The following PARG variants were observed in gnomAD, a reference collection of about 807,000 sequenced individuals.
The protein encoded by PARG is mitochondrial poly(ADP-ribose) glycohydrolase.
In PARG, 35 loss-of-function variants were observed where a neutral mutation model predicts 113.0. That is an observed-to-expected ratio of 0.31 (90% CI 0.24 to 0.41). The LOEUF is 0.41. PARG is among the 10% of genes least tolerant of loss of function. The pLI is 1.00. For missense variants in PARG, 797 were observed against 1,169.4 expected (o/e 0.68, Z 4.64); for synonymous variants, 330 against 409.9 (o/e 0.81, Z 2.36).
Position 49,942,018 on chromosome 10 carries a change from G to A in PARG, c.-293C>T. On this transcript the variant is annotated 5_prime_UTR_variant, in exon 1 of 18. Transcript: ENST00000616448. ...GCCGTCAGGCGCTTCCGGCTTCCGG[G>A]GCGCACACTGCCGCAAAGCGGAAGT... 1 of 1,014,528 alleles carries A rather than the reference G, an allele frequency of 9.9e-7. No individual in the cohort carries two copies. Among genetic ancestry groups the A allele is most frequent in the South Asian group, 1.6e-5 (1 of 61,096 alleles). The allele number at this position is 1,014,528 out of a possible 1,614,324, so 62.8% of individuals were successfully genotyped here.
At chr10:49,842,841 T>C (rs1554832620) in intron 14 of PARG, among the ~76,000 whole-genome samples, 1 of 152,198 alleles carries the variant, frequency 6.6e-6, no homozygotes, top group Non-Finnish European at 1.5e-5. Context: ...CAACCATATA[T>C]TTTAAACAAA....
chr10:49,926,663 G>A (rs182529896), intron 4 of PARG, among the ~76,000 whole-genome samples: 221 of 151,380 alleles, frequency 1.5e-3, no homozygotes, highest in East Asian at 5.7e-3. Flanking sequence ...AAGTTTCTAG[G>A]CAAAGCCTTG....
At chr10:49,926,527 T>C (rs1206398017) in intron 4 of PARG, among the ~76,000 whole-genome samples, 5 of 152,110 alleles carry the variant, frequency 3.3e-5, no homozygotes, top group Non-Finnish European at 4.4e-5. Flanking sequence ...CCAACCACCA[T>C]CATCACATAA....
At chr10:49,833,285 C>T (rs1288386305) in intron 15 of PARG, 2 of 154,054 alleles carry the variant, frequency 1.3e-5, no homozygotes, top group African/African-American at 4.8e-5. Context: ...AGGAAAGGGA[C>T]TTGTTAGAAC....
chr10:49,840,159 G>A (rs536772044), intron 15 of PARG, among the ~76,000 whole-genome samples: 112 of 152,214 alleles, frequency 7.4e-4, no homozygotes, highest in African/African-American at 2.7e-3. Flanking sequence ...GAGGCCGACG[G>A]GGAGGAGATC....
At chr10:49,898,959 T>A (rs1157125817) in intron 7 of PARG, among the ~76,000 whole-genome samples, 1 of 152,218 alleles carries the variant, frequency 6.6e-6, no homozygotes, top group African/African-American at 2.4e-5. Context: ...TAGCCCTTAC[T>A]AGAAGCTCCT....
chr10:49,837,017 C>T (rs561283536), intron 15 of PARG, among the ~76,000 whole-genome samples: 2 of 152,262 alleles, frequency 1.3e-5, no homozygotes, highest in South Asian at 4.1e-4. Context: ...ATAAATCTTT[C>T]TAACCCTAAA....
At chr10:49,839,359 A>T (rs1207498556) in intron 15 of PARG, among the ~76,000 whole-genome samples, 1 of 152,082 alleles carries the variant, frequency 6.6e-6, no homozygotes, top group African/African-American at 2.4e-5. Flanking sequence ...AAGTTATTTA[A>T]TTATCAGTCA....
In PARG at chr10:49,935,121, G is replaced by A; in HGVS notation, c.239C>T (p.Thr80Ile). 3 of 775,290 alleles carry A rather than the reference G, an allele frequency of 3.9e-6. No individual in the cohort carries two copies. The highest frequency in any genetic ancestry group is 3.1e-5 in the South Asian group (2 of 65,418). 48.0% of individuals were successfully genotyped at this position (775,290 alleles called of 1,614,324 possible). The change falls in exon 2 of 18, where the codon ACC (threonine) becomes ATC (isoleucine). Residue 80 changes from threonine to isoleucine, a missense_variant. Coordinates refer to ENST00000616448, the MANE Select transcript of PARG (RefSeq NM_003631.5). ...GATTCCTTTAGTGTCCATCCAACTG[G>A]TAATAGTCTTTTGTTTGAAAACTAT... ...TSLVFKQKTITSWMDTKGIKT... is the reference protein window; with the variant it reads ...TSLVFKQKTIISWMDTKGIKT...
At chr10:49,917,771 T>C (rs1837583227) in intron 6 of PARG, among the ~76,000 whole-genome samples, 3 of 148,428 alleles carry the variant, frequency 2.0e-5, no homozygotes, top group South Asian at 2.1e-4. Context: ...TGAGCCGAGA[T>C]TGCACCACTG....
At chr10:49,917,819 GAA>G (rs782349676) in intron 6 of PARG, among the ~76,000 whole-genome samples, 3 of 57,316 alleles carry the variant, frequency 5.2e-5, no homozygotes, top group Admixed American at 1.9e-4. Flanking sequence ...TCCTGTCTCA[GAA>G]AAAAAAAAAA....
intron 15 of PARG, among the ~76,000 whole-genome samples, 172 bp downstream of exon 15, chr10:49,841,778 T>C (rs1845251378): frequency 1.3e-5 from 2 of 152,202 alleles, no homozygotes; most frequent in African/African-American, 2.4e-5. Context: ...ATCAAACAAT[T>C]ACAAAATGGA....
intron 7 of PARG, among the ~76,000 whole-genome samples, chr10:49,909,271 CTTT>C (rs1367677149): frequency 4.5e-4 from 68 of 151,722 alleles, no homozygotes; most frequent in African/African-American, 1.5e-3. Flanking sequence ...TATATTTTAA[CTTT>C]TTATTATATA....
At chr10:49,920,463 A>AAAAT (rs1431747248) in intron 6 of PARG, among the ~76,000 whole-genome samples, 37 of 47,972 alleles carry the variant, frequency 7.7e-4, no homozygotes, top group East Asian at 1.5e-3. Flanking sequence ...AAAAAAAAAA[A>AAAAT]ATATATATAT....
chr10:49,840,221 G>T (rs903494404), intron 15 of PARG, among the ~76,000 whole-genome samples: 3 of 151,868 alleles, frequency 2.0e-5, no homozygotes, highest in African/African-American at 7.3e-5. Context: ...GAAACCCAGT[G>T]TATCTAAAAA....
intron 15 of PARG, among the ~76,000 whole-genome samples, chr10:49,833,902 G>A (rs1368498927): frequency 7.9e-5 from 12 of 152,086 alleles, no homozygotes; most frequent in African/African-American, 2.9e-4. Context: ...GATAAAGAAA[G>A]ATGCTTCTAT....
At chr10:49,914,749 A>G (rs376639080) in intron 7 of PARG, among the ~76,000 whole-genome samples, 1 of 152,332 alleles carries the variant, frequency 6.6e-6, no homozygotes, top group East Asian at 1.9e-4. Flanking sequence ...GGATAGACAT[A>G]TAGATCAGTG....
Position 49,841,944 on chromosome 10 carries a change from A to G in PARG, c.2541+6T>C. The G allele has an allele frequency of 6.6e-7, 1 of 1,519,330 alleles. No homozygotes were observed. Among genetic ancestry groups the G allele is most frequent in the Non-Finnish European group, 8.9e-7 (1 of 1,122,670 alleles). The allele number at this position is 1,519,330 out of a possible 1,614,324, so 94.1% of individuals were successfully genotyped here. A position where few individuals can be genotyped will look rare whatever the true frequency, so the allele number is the denominator to read the frequency against. ...GCCAGATGAACTAAGAAATAAGGTT[A>G]CTGGCCTTGTTCAGCTCGCGTCTCA... is the stretch of plus-strand genomic sequence containing the variant. On this transcript the variant is annotated splice_donor_region_variant and intron_variant, in intron 15 of 17. Coordinates refer to ENST00000616448, the MANE Select transcript of PARG (RefSeq NM_003631.5).
In PARG at chr10:49,941,294, T is replaced by C. The variant is rs1839045243; in HGVS notation, c.217+215A>G. 2.0e-5 allele frequency among the ~76,000 whole-genome samples: 3 copies of C among 152,174 alleles called. No individual in the cohort carries two copies. In the South Asian group the frequency reaches 6.2e-4, roughly 32 times the overall value. On this transcript the variant is annotated intron_variant, in intron 1 of 17. Transcript: ENST00000616448. ...GAGTCTCCTGCCATTTTCCGCCCTG[T>C]GAGTGACTGCTCATCAGAGTTTCTC... is the stretch of plus-strand genomic sequence containing the variant.
Sources: allele counts gnomAD v4.1 joint callset (sites outside exome capture counted in the v4.1 genomes callset), GRCh38; gene constraint gnomAD v4.1.1; transcripts MANE v1.5; gene names NCBI Gene and HGNC (gene_info 2026-07-23, HGNC 2026-07-21).